MYLK4: variants seen among roughly 807,000 people sequenced by gnomAD.
MYLK4 encodes the protein myosin light chain kinase family member 4, also known as caMLCK like.
A neutral mutation model predicts 48.1 loss-of-function variants in MYLK4; 46 were observed. The ratio of observed to expected loss-of-function variants is 0.96; its 90% CI spans 0.75 to 1.22. MYLK4 has a LOEUF of 1.22. Among genes scored for constraint, MYLK4 ranks in the 50% most tolerant of loss-of-function variants. MYLK4 has a pLI of 0.00. For synonymous variants in MYLK4, 170 were observed against 180.8 expected (o/e 0.94, Z 0.48); for missense variants, 451 against 486.1 (o/e 0.93, Z 0.68).
At chr6:2,674,466 G>A (rs1761008917) in intron 11 of MYLK4, among the ~76,000 whole-genome samples, 1 of 152,190 alleles carries the variant, frequency 6.6e-6, no homozygotes, top group African/African-American at 2.4e-5. Flanking sequence ...GTGCACATAA[G>A]ACAATGAAGT....
intron 10 of MYLK4, among the ~76,000 whole-genome samples, chr6:2,675,951 G>T (rs920551952): frequency 6.6e-6 from 1 of 152,018 alleles, no homozygotes; most frequent in East Asian, 1.9e-4. Context: ...AATTAGCTGG[G>T]TGTGGTGGGG....
At chr6:2,720,165 G>A (rs1763018591) in intron 2 of MYLK4, among the ~76,000 whole-genome samples, 1 of 152,182 alleles carries the variant, frequency 6.6e-6, no homozygotes. Context: ...AGCACTTTGG[G>A]AGGCTGAGGC....
At chr6:2,675,925 T>A (rs1472369122) in intron 10 of MYLK4, among the ~76,000 whole-genome samples, 1 of 151,852 alleles carries the variant, frequency 6.6e-6, no homozygotes, top group African/African-American at 2.4e-5. Flanking sequence ...ACCCCGTCTC[T>A]ACTAAAAATA....
At chr6:2,675,503 T>C (rs1459960560) in intron 10 of MYLK4, among the ~76,000 whole-genome samples, 1 of 152,252 alleles carries the variant, frequency 6.6e-6, no homozygotes, top group Non-Finnish European at 1.5e-5. Context: ...TGATTCTTGA[T>C]GATTGCCAAA....
rs769222286 is a variant in MYLK4 at position 2,692,838 on chromosome 6, C to T, written c.181G>A (p.Ala61Thr). Residue 61 changes from alanine to threonine, a missense_variant, in exon 3 of 13, where the codon GCC becomes ACC. Ala to Thr is a moderately conservative substitution (Grantham distance 58). Transcript: ENST00000274643. ...ACGGGCATCCTTTCCGTCAGGTCGGCGTTTGACCACACCTCCTTCGCCTGT... is the reference window on the plus strand; with the variant it reads ...ACGGGCATCCTTTCCGTCAGGTCGGTGTTTGACCACACCTCCTTCGCCTGT... Reference protein sequence around the residue: ...HNEAKEVWSNADLTERMPVKS... With the variant: ...HNEAKEVWSNTDLTERMPVKS... 17 of 1,613,360 alleles carry T rather than the reference C, an allele frequency of 1.1e-5. No individual in the cohort carries two copies. The highest frequency in any genetic ancestry group is 4.0e-5 in the African/African-American group (3 of 74,900).
chr6:2,763,732 T>C, the MYLK4 span, among the ~76,000 whole-genome samples: 1 of 152,110 alleles, frequency 6.6e-6, no homozygotes, highest in Non-Finnish European at 1.5e-5. Context: ...AGCGGCAGGC[T>C]GAAGGGTTTC....
chr6:2,717,313 T>C (rs946477352), intron 2 of MYLK4, among the ~76,000 whole-genome samples: 1 of 147,682 alleles, frequency 6.8e-6, no homozygotes, highest in Non-Finnish European at 1.5e-5. Flanking sequence ...TGATCAAACA[T>C]CTGTAAATGA....
intron 7 of MYLK4, among the ~76,000 whole-genome samples, chr6:2,682,599 C>A (rs1474134641): frequency 1.3e-5 from 2 of 152,128 alleles, no homozygotes; most frequent in African/African-American, 4.8e-5. Flanking sequence ...CTGGAGCTTC[C>A]TGAGTGACTC....
intron 12 of MYLK4, among the ~76,000 whole-genome samples, chr6:2,669,519 T>A (rs1434009085): frequency 2.0e-5 from 3 of 152,138 alleles, no homozygotes; most frequent in Non-Finnish European, 2.9e-5. Context: ...CCAGAGTGGC[T>A]CCGGTCCTTA....
chr6:2,765,583 G>T, the MYLK4 span: 1 of 1,451,572 alleles, frequency 6.9e-7, no homozygotes, highest in Non-Finnish European at 9.0e-7. Context: ...CGCACGGGTT[G>T]CTGCGGCCGC....
At chr6:2,725,144 C>T (rs1306542039) in intron 2 of MYLK4, among the ~76,000 whole-genome samples, 1 of 152,096 alleles carries the variant, frequency 6.6e-6, no homozygotes, top group African/African-American at 2.4e-5. Flanking sequence ...GAGTGAGACT[C>T]TGCCTCAAAA....
the MYLK4 span, chr6:2,766,054 G>A: frequency 7.7e-7 from 1 of 1,295,002 alleles, no homozygotes; most frequent in Non-Finnish European, 9.7e-7. Context: ...AGAGGCCGGC[G>A]GCCGCCGCCG....
intron 3 of MYLK4, among the ~76,000 whole-genome samples, chr6:2,690,973 C>T (rs1005242328): frequency 8.6e-5 from 13 of 151,954 alleles, no homozygotes; most frequent in African/African-American, 1.7e-4. Context: ...GGACTACAGG[C>T]GCCCGCCACC....
intron 2 of MYLK4, among the ~76,000 whole-genome samples, chr6:2,740,637 AC>A (rs1487359881): frequency 1.3e-5 from 2 of 152,186 alleles, no homozygotes; most frequent in African/African-American, 4.8e-5. Flanking sequence ...GAGTCAGTTC[AC>A]AAAACAAGCC....
At chr6:2,765,040 G>A in the MYLK4 span, among the ~76,000 whole-genome samples, 68 of 152,248 alleles carry the variant, frequency 4.5e-4, no homozygotes, top group Non-Finnish European at 8.1e-4. Flanking sequence ...CAGCACGGAA[G>A]GCCGGGAAAG....
intron 2 of MYLK4, among the ~76,000 whole-genome samples, chr6:2,695,992 A>G (rs1013954984): frequency 6.6e-6 from 1 of 152,250 alleles, no homozygotes; most frequent in African/African-American, 2.4e-5. Flanking sequence ...CCTCTGCTGA[A>G]TTCACATCGA....
rs1561819488 is a variant in MYLK4, at chr6:2,663,675, T to A, written c.*4250A>T. 6.5e-6 allele frequency: 1 copy of A among 152,676 alleles called. No homozygotes were observed. Among genetic ancestry groups the A allele is most frequent in the African/African-American group, 2.4e-5 (1 of 41,454 alleles). 9.5% of individuals were successfully genotyped at this position (152,676 alleles called of 1,614,324 possible). On this transcript the variant is annotated 3_prime_UTR_variant, in exon 13 of 13. Transcript: ENST00000274643. ...TGTTTATTCTTCAATATAATACATA[T>A]ACATGATTGTTATACATCTTTAGAA...
At chr6:2,671,918 G>A (rs1234158710) in intron 11 of MYLK4, among the ~76,000 whole-genome samples, 1 of 152,188 alleles carries the variant, frequency 6.6e-6, no homozygotes, top group Non-Finnish European at 1.5e-5. Context: ...AGAAGAGCTG[G>A]GGGTGTCCTG....
intron 2 of MYLK4, among the ~76,000 whole-genome samples, chr6:2,716,681 T>G (rs1762876922): frequency 6.6e-6 from 1 of 152,216 alleles, no homozygotes; most frequent in African/African-American, 2.4e-5. Flanking sequence ...ATGTGTGTAC[T>G]GTAATTGGTC....
Sources: gnomAD v4.1 joint callset for allele counts (sites outside exome capture counted in the v4.1 genomes callset) on GRCh38, gnomAD v4.1.1 for gene constraint, MANE v1.5 for transcripts, NCBI Gene and HGNC (gene_info 2026-07-23, HGNC 2026-07-21) for gene names.